RASAL2: variants seen among roughly 807,000 people sequenced by gnomAD.
RASAL2 encodes the protein RAS protein activator like 2.
In RASAL2, 58 loss-of-function variants were observed where a neutral mutation model predicts 128.9. That is an observed-to-expected ratio of 0.45 (90% CI 0.36 to 0.56). The LOEUF (loss-of-function observed/expected upper bound fraction) is 0.56, where lower values mean the gene tolerates loss of function less well. Ranked by LOEUF, RASAL2 falls within the 20% of genes least tolerant of loss-of-function variation. The probability of loss-of-function intolerance (pLI) is 0.00; values close to 1 mark genes in which losing one functional copy is unlikely to be tolerated. For missense variants in RASAL2, 1,360 were observed against 1,601.6 expected (o/e 0.85, Z 2.57); for synonymous variants, 561 against 580.8 (o/e 0.97, Z 0.49).
At chr1:178,399,848 TTCC>T (rs991984788) in intron 4 of RASAL2, among the ~76,000 whole-genome samples, 2 of 152,194 alleles carry the variant, frequency 1.3e-5, no homozygotes, top group Non-Finnish European at 2.9e-5. Context: ...CGGCCTCCAA[TTCC>T]TCCTCATCAA....
At chr1:178,151,632 C>T (rs1284047124) in intron 1 of RASAL2, among the ~76,000 whole-genome samples, 1 of 152,144 alleles carries the variant, frequency 6.6e-6, no homozygotes, top group Admixed American at 6.5e-5. Flanking sequence ...TGTGGTAGCT[C>T]ACCTCCAAAA....
intron 1 of RASAL2, among the ~76,000 whole-genome samples, chr1:178,095,766 A>G (rs1420216528): frequency 6.6e-6 from 1 of 152,188 alleles, no homozygotes; most frequent in African/African-American, 2.4e-5. Context: ...CGCAAAGATC[A>G]TAGAACTAGG....
chr1:178,227,271 T>C (rs1393965124), intron 1 of RASAL2, among the ~76,000 whole-genome samples: 2 of 152,228 alleles, frequency 1.3e-5, no homozygotes, highest in African/African-American at 4.8e-5. Context: ...CAGTTTAGCG[T>C]CTTGTCTTAC....
Position 178,293,783 on chromosome 1 carries a change from A to G in RASAL2, c.331-6209A>G, listed in dbSNP as rs757833163. ...TTACGTGGAATTAGTTGCATAAATG[A>G]ATAATTATAATTTAACACAGTAAGT... is the stretch of plus-strand genomic sequence containing the variant. On this transcript the variant is annotated intron_variant, in intron 2 of 17. Transcript: ENST00000367649. 9.9e-5 allele frequency among the ~76,000 whole-genome samples: 15 copies of G among 152,228 alleles called. No individual in the cohort carries two copies. The South Asian group carries it at 1.7e-3, about 17-fold the overall frequency.
chr1:178,327,826 G>A (rs996987002), intron 3 of RASAL2, among the ~76,000 whole-genome samples: 1 of 146,388 alleles, frequency 6.8e-6, no homozygotes, highest in African/African-American at 2.8e-5. Flanking sequence ...TATCTAGGTG[G>A]GTCCTAATCC....
chr1:178,180,626 C>T (rs1366880980), intron 1 of RASAL2, among the ~76,000 whole-genome samples: 2 of 146,792 alleles, frequency 1.4e-5, no homozygotes, highest in Non-Finnish European at 1.5e-5. Flanking sequence ...GCGATCACAG[C>T]ACTGCATTCA....
At chr1:178,354,632 A>G (rs991016366) in intron 3 of RASAL2, among the ~76,000 whole-genome samples, 1 of 152,260 alleles carries the variant, frequency 6.6e-6, no homozygotes, top group African/African-American at 2.4e-5. Flanking sequence ...TTGCTAGATA[A>G]CAAGATCCAT....
At chr1:178,393,343 T>TG (rs1673024124) in intron 4 of RASAL2, among the ~76,000 whole-genome samples, 2 of 152,326 alleles carry the variant, frequency 1.3e-5, no homozygotes, top group African/African-American at 4.8e-5. Flanking sequence ...CGGTCCCATC[T>TG]GGGGGTGATG....
chr1:178,466,055 G>A lies in RASAL2; in HGVS notation c.3523G>A (p.Asp1175Asn). The change falls in exon 16 of 18, where the codon GAC (aspartate) becomes AAC (asparagine). Residue 1175 changes from aspartate (D) to asparagine (N), a missense_variant. Coordinates refer to ENST00000367649, the MANE Select transcript of RASAL2 (RefSeq NM_170692.4). ...LLLEYKARLE[D>N]SEERLRRQQE... is the part of the protein sequence containing the mutation. ...GCTGGAATACAAGGCCCGACTGGAG[G>A]ACAGCGAGGAGCGGCTCCGAAGACA... 3 of 1,583,482 alleles carry A rather than the reference G, an allele frequency of 1.9e-6. No homozygotes were observed. Among genetic ancestry groups the A allele is most frequent in the Non-Finnish European group, 2.6e-6 (3 of 1,163,270 alleles).
chr1:178,312,216 T>A (rs1668294043), intron 3 of RASAL2, among the ~76,000 whole-genome samples: 2 of 152,184 alleles, frequency 1.3e-5, no homozygotes, highest in Non-Finnish European at 2.9e-5. Context: ...TTGAAAGGGC[T>A]TACTGAGTTC....
intron 4 of RASAL2, among the ~76,000 whole-genome samples, chr1:178,407,285 A>G (rs945676762): frequency 4.6e-5 from 7 of 152,240 alleles, no homozygotes; most frequent in Non-Finnish European, 1.0e-4. Context: ...TATAAAGACT[A>G]GAAAGTAAAC....
intron 1 of RASAL2, among the ~76,000 whole-genome samples, chr1:178,174,550 T>C (rs1661819768): frequency 6.6e-6 from 1 of 152,164 alleles, no homozygotes; most frequent in Non-Finnish European, 1.5e-5. Context: ...GTACTTTTCT[T>C]ATCAGGTTGG....
chr1:178,320,080 G>A (rs1419173971), intron 3 of RASAL2, among the ~76,000 whole-genome samples: 6 of 151,872 alleles, frequency 4.0e-5, no homozygotes, highest in Non-Finnish European at 8.8e-5. Context: ...GCCCCTGCTG[G>A]GGGGTGCCTC....
At chr1:178,150,785 C>G (rs1310421579) in intron 1 of RASAL2, among the ~76,000 whole-genome samples, 2 of 152,110 alleles carry the variant, frequency 1.3e-5, no homozygotes, top group African/African-American at 2.4e-5. Flanking sequence ...ACTTGCAGAG[C>G]AGCAAAAATT....
chr1:178,300,270 G>A lies in RASAL2; in HGVS notation c.457+152G>A, dbSNP rs568448730. 51 of 937,942 alleles carry A rather than the reference G, an allele frequency of 5.4e-5. No individual in the cohort carries two copies. In the South Asian group the frequency reaches 7.6e-4, roughly 14 times the overall value. The allele number at this position is 937,942 out of a possible 1,614,324, so 58.1% of individuals were successfully genotyped here. On this transcript the variant is annotated intron_variant, in intron 3 of 17. Coordinates refer to ENST00000367649, the MANE Select transcript of RASAL2 (RefSeq NM_170692.4). Reference sequence around the variant, plus strand: ...AGCGAGAGTTAGAGGTCATTAGAGAGTTCTGTTCTTTATAACCAACTGACA... The same window carrying A: ...AGCGAGAGTTAGAGGTCATTAGAGAATTCTGTTCTTTATAACCAACTGACA...
At chr1:178,222,743 G>A (rs990424846) in intron 1 of RASAL2, among the ~76,000 whole-genome samples, 3 of 152,066 alleles carry the variant, frequency 2.0e-5, no homozygotes, top group African/African-American at 7.2e-5. Flanking sequence ...TCCCTAAATT[G>A]TGATGCTAAT....
In RASAL2 at chr1:178,331,402, T is replaced by C. The variant is rs571799604; in HGVS notation, c.457+31284T>C. ...CAGTGGTTGAATCCCTATGCCCTTA[T>C]AAAAATAAATTTATTTGTCAAGTTG... On this transcript the variant is annotated intron_variant, in intron 3 of 17. Transcript: ENST00000367649. Among the ~76,000 whole-genome samples, 4 of 152,264 alleles carry C rather than the reference T, an allele frequency of 2.6e-5. No homozygotes were observed. In the South Asian group the frequency reaches 6.2e-4, roughly 24 times the overall value.
chr1:178,186,611 C>G (rs1020006112), intron 1 of RASAL2, among the ~76,000 whole-genome samples: 6 of 151,964 alleles, frequency 3.9e-5, no homozygotes. Context: ...AGTCATTCTC[C>G]TATTTGTTCC....
At chr1:178,245,707 C>T (rs554345763) in intron 1 of RASAL2, among the ~76,000 whole-genome samples, 2 of 152,278 alleles carry the variant, frequency 1.3e-5, no homozygotes, top group South Asian at 2.1e-4. Context: ...TTAGGTTTTA[C>T]ATTTAATTAT....
Sources: gnomAD v4.1 joint callset for allele counts (sites outside exome capture counted in the v4.1 genomes callset) on GRCh38, gnomAD v4.1.1 for gene constraint, MANE v1.5 for transcripts, NCBI Gene and HGNC (gene_info 2026-07-23, HGNC 2026-07-21) for gene names.